The following ENTHD1 variants were observed in gnomAD, a reference collection of about 807,000 sequenced individuals.
The protein encoded by ENTHD1 is ENTH domain-containing protein 1.
Under a neutral mutation model 39.1 loss-of-function variants are expected in ENTHD1, and 23 were observed. The ratio of observed to expected loss-of-function variants is 0.59; its 90% confidence interval spans 0.42 to 0.83. ENTHD1 has a LOEUF of 0.83. ENTHD1 is among the 40% of genes least tolerant of loss of function. The pLI is 0.00. For synonymous variants in ENTHD1, 230 were observed against 258.2 expected (o/e 0.89, Z 1.05); for missense variants, 624 against 705.4 (o/e 0.88, Z 1.31).
intron 2 of ENTHD1, among the ~76,000 whole-genome samples, chr22:39,882,391 A>G (rs1245423152): frequency 1.3e-5 from 2 of 152,218 alleles, no homozygotes; most frequent in African/African-American, 4.8e-5. Flanking sequence ...ATGGACAGCG[A>G]TAAAAAAATA....
At chr22:39,772,661 C>T (rs571366989) in intron 5 of ENTHD1, among the ~76,000 whole-genome samples, 1 of 151,914 alleles carries the variant, frequency 6.6e-6, no homozygotes, top group Admixed American at 6.6e-5. Flanking sequence ...TTTCAATAAC[C>T]ACAGTAAATG....
intron 5 of ENTHD1, among the ~76,000 whole-genome samples, chr22:39,772,750 C>G (rs1478322606): frequency 6.6e-6 from 1 of 151,930 alleles, no homozygotes; most frequent in Non-Finnish European, 1.5e-5. Flanking sequence ...CCTATAAAAA[C>G]AAAATTGCAA....
intron 2 of ENTHD1, among the ~76,000 whole-genome samples, chr22:39,870,660 G>A (rs1601658062): frequency 6.6e-6 from 1 of 152,140 alleles, no homozygotes; most frequent in East Asian, 1.9e-4. Context: ...TAGCATACTT[G>A]CCATTCAGTC....
intron 6 of ENTHD1, among the ~76,000 whole-genome samples, chr22:39,755,034 T>C (rs1367052324): frequency 3.9e-5 from 6 of 152,252 alleles, no homozygotes; most frequent in Non-Finnish European, 7.3e-5. Context: ...GGTTCACTTA[T>C]TAAATATTGA....
At chr22:39,812,377 ACCTAATGGGTATTGGCCGGG>A (rs1327563131) in intron 5 of ENTHD1, among the ~76,000 whole-genome samples, 1 of 152,234 alleles carries the variant, frequency 6.6e-6, no homozygotes, top group Non-Finnish European at 1.5e-5. Flanking sequence ...AAGACAAGAT[ACCTAATGGGTATTGGCCGGG>A]GACTTAGAAA....
chr22:39,878,581 T>G (rs999227419), intron 2 of ENTHD1, among the ~76,000 whole-genome samples: 1 of 151,466 alleles, frequency 6.6e-6, no homozygotes, highest in Non-Finnish European at 1.5e-5. Flanking sequence ...ACATTCAACT[T>G]CTCAGAAACC....
intron 3 of ENTHD1, among the ~76,000 whole-genome samples, chr22:39,844,904 G>A (rs1642451322): frequency 6.6e-6 from 1 of 152,118 alleles, no homozygotes; most frequent in South Asian, 2.1e-4. Flanking sequence ...TGAATTGGGC[G>A]AAGGATCTAA....
In ENTHD1 at chr22:39,743,718, C is replaced by G; in HGVS notation, c.1785G>C (p.Gln595His). 1.2e-6 allele frequency: 2 copies of G among 1,613,468 alleles called. No individual in the cohort carries two copies. Among genetic ancestry groups the G allele is most frequent in the Non-Finnish European group, 1.7e-6 (2 of 1,179,682 alleles). Residue 595 changes from glutamine (Q) to histidine (H), a missense_variant, in exon 7 of 7, where the codon CAG (glutamine) becomes CAC (histidine). Gln to His is a conservative substitution (Grantham distance 24). Coordinates refer to ENST00000325157, the MANE Select transcript of ENTHD1 (RefSeq NM_152512.4). ...AGCTCCCCTCAGAAGACTGGGGGAC[C>G]TGGGAAGACTGGCTTATTTGTGAAC... ...LNSSQISQSS[Q>H]VPQSSEGSSD...
chr22:39,856,685 G>A (rs542763330), intron 3 of ENTHD1, among the ~76,000 whole-genome samples: 5 of 151,792 alleles, frequency 3.3e-5, no homozygotes, highest in South Asian at 4.2e-4. Context: ...ATCTTGTCTC[G>A]AAAAAATATT....
intron 4 of ENTHD1, among the ~76,000 whole-genome samples, chr22:39,825,357 G>A (rs2065818401): frequency 6.6e-6 from 1 of 152,066 alleles, no homozygotes; most frequent in Non-Finnish European, 1.5e-5. Flanking sequence ...ATATTTTGTT[G>A]AGAATTTTTG....
At chr22:39,831,348 G>A (rs893200583) in intron 4 of ENTHD1, among the ~76,000 whole-genome samples, 3 of 152,190 alleles carry the variant, frequency 2.0e-5, no homozygotes, top group African/African-American at 7.2e-5. Context: ...GAATGTGGAT[G>A]AATAGTTCTG....
chr22:39,859,762 C>G (rs907736924), intron 3 of ENTHD1, among the ~76,000 whole-genome samples: 2 of 152,146 alleles, frequency 1.3e-5, no homozygotes. Flanking sequence ...AAAAATATTG[C>G]AAGAACTACC....
chr22:39,752,036 A>G (rs1349468715), intron 6 of ENTHD1, among the ~76,000 whole-genome samples: 1 of 152,164 alleles, frequency 6.6e-6, no homozygotes, highest in African/African-American at 2.4e-5. Flanking sequence ...ATCTCTATAG[A>G]AGAGAGAAAG....
At chr22:39,752,382 G>A (rs1157888051) in intron 6 of ENTHD1, among the ~76,000 whole-genome samples, 1 of 152,192 alleles carries the variant, frequency 6.6e-6, no homozygotes, top group Non-Finnish European at 1.5e-5. Flanking sequence ...AACAAGATCT[G>A]TGGTTGATGG....
chr22:39,754,505 G>A (rs1381961457), intron 6 of ENTHD1, among the ~76,000 whole-genome samples: 4 of 152,188 alleles, frequency 2.6e-5, no homozygotes, highest in African/African-American at 9.7e-5. Flanking sequence ...GACCTCTGAT[G>A]AGAAGAAACT....
rs77915572 is a variant in ENTHD1, at chr22:39,814,295, C to CAAAAAAAAAAAAAAA, written c.832+6683_832+6697dup. 7.9e-3 allele frequency among the ~76,000 whole-genome samples: 768 copies of CAAAAAAAAAAAAAAA among 97,426 alleles called. 15 individuals carry two copies. The highest frequency in any genetic ancestry group is 0.024 in the African/African-American group (646 of 27,338). The allele number at this position is 97,426 out of a possible 152,430, so 63.9% of individuals were successfully genotyped here. ...GCAACATGGCAAAACCCCATCTCTA[C>CAAAAAAAAAAAAAAA]AAAAAAAAAAAAAAAATAACCAGGT... On this transcript the variant is annotated intron_variant, in intron 5 of 6. Coordinates refer to ENST00000325157, the MANE Select transcript of ENTHD1 (RefSeq NM_152512.4).
rs551272286 is a variant in ENTHD1 at position 39,859,270 on chromosome 22, A to G, written c.592+2495T>C. ...TATCCAGACCATGCAACCTTTCTCT[A>G]TAACAGCAATAAAGCTGTTTCCCAT... is the stretch of plus-strand genomic sequence containing the variant. On this transcript the variant is annotated intron_variant, in intron 3 of 6. Coordinates refer to ENST00000325157, the MANE Select transcript of ENTHD1 (RefSeq NM_152512.4). Among the ~76,000 whole-genome samples the G allele has an allele frequency of 2.1e-4, 32 of 152,328 alleles. No individual in the cohort carries two copies. In the South Asian group the frequency reaches 6.4e-3, roughly 31 times the overall value.
At chr22:39,819,633 AACT>A (rs2065764277) in intron 5 of ENTHD1, among the ~76,000 whole-genome samples, 1 of 152,090 alleles carries the variant, frequency 6.6e-6, no homozygotes. Context: ...AGGGTAGTGA[AACT>A]ACTATGTCTG....
chr22:39,860,533 C>G (rs1335619838), intron 3 of ENTHD1, among the ~76,000 whole-genome samples: 1 of 152,204 alleles, frequency 6.6e-6, no homozygotes, highest in African/African-American at 2.4e-5. Flanking sequence ...TATAATGTCT[C>G]TCTCCAATCC....
Sources: allele counts gnomAD v4.1 joint callset (sites outside exome capture counted in the v4.1 genomes callset), GRCh38; gene constraint gnomAD v4.1.1; transcripts MANE v1.5; gene names NCBI Gene and HGNC (gene_info 2026-07-23, HGNC 2026-07-21).